Variants in DNPEP observed in about 807,000 individuals in gnomAD.
DNPEP encodes aspartyl aminopeptidase.
Under a neutral mutation model 59.1 loss-of-function variants are expected in DNPEP, and 46 were observed. The ratio of observed to expected loss-of-function variants is 0.78; its 90% CI spans 0.61 to 0.99. The LOEUF is 0.99. Ranked by LOEUF, DNPEP falls within the 50% of genes least tolerant of loss-of-function variation. The pLI, the probability that DNPEP is intolerant of heterozygous loss-of-function variation, is 0.00. For missense variants in DNPEP, 617 were observed against 649.9 expected (o/e 0.95, Z 0.55); for synonymous variants, 229 against 242.2 (o/e 0.95, Z 0.50).
intron 8 of DNPEP, chr2:219,384,682 C>G: frequency 2.6e-6 from 1 of 380,356 alleles, no homozygotes; most frequent in South Asian, 2.5e-5. Flanking sequence ...GATTCTCGTG[C>G]CTCAGCCTCC....
At chr2:219,381,823 T>C (rs564783014) in intron 11 of DNPEP, 156 bp downstream of exon 11, 1 of 946,178 alleles carries the variant, frequency 1.1e-6, no homozygotes, top group East Asian at 2.6e-5. Flanking sequence ...TTTGACCAAG[T>C]TGGTCTCGCA....
upstream of DNPEP, among the ~76,000 whole-genome samples, chr2:219,389,764 T>G (rs2125148986): frequency 6.7e-6 from 1 of 150,298 alleles, no homozygotes; most frequent in Non-Finnish European, 1.5e-5. Context: ...ACCCGGGAGG[T>G]GGAGGTTGCA....
In DNPEP at chr2:219,383,146, G is replaced by A. The variant is rs1466393728; in HGVS notation, c.921C>T (p.Leu307=). The change falls in exon 10 of 15, where the codon CTC becomes CTT. Residue 307 remains leucine, a synonymous_variant. Transcript: ENST00000273075. ...CTCCACGTACCTCTTCGTTGTCATA[G>A]AGTGTGACCATGCGCACGTGAGGCT... is the stretch of plus-strand genomic sequence containing the variant. ...ATEPHVRMVT[L]YDNEEVGSES... is the part of the protein sequence containing the mutation. 3 of 1,614,134 alleles carry A rather than the reference G, an allele frequency of 1.9e-6. No homozygotes were observed. Among genetic ancestry groups the A allele is most frequent in the African/African-American group, 1.3e-5 (1 of 75,062 alleles).
chr2:219,381,281 G>A (rs1953584741), intron 13 of DNPEP, 54 bp downstream of exon 13: 3 of 1,519,508 alleles, frequency 2.0e-6, no homozygotes, highest in Admixed American at 1.7e-5. Flanking sequence ...CCATCTGTTT[G>A]TGCCCCCACC....
chr2:219,377,205 C>T (rs972131961), intron 13 of DNPEP, among the ~76,000 whole-genome samples: 26 of 125,422 alleles, frequency 2.1e-4, no homozygotes, highest in African/African-American at 7.9e-4. Context: ...ACCAGGGAGG[C>T]GGAGGTTGCA....
chr2:219,388,206 C>T (rs988755846), upstream of DNPEP, among the ~76,000 whole-genome samples: 6 of 143,996 alleles, frequency 4.2e-5, no homozygotes, highest in African/African-American at 1.5e-4. Context: ...CCGCCTCTCG[C>T]CAGGCTGCAC....
Position 219,386,308 on chromosome 2 carries a change from A to T in DNPEP, c.437T>A (p.Leu146Gln). ...CACCTTGACAATGACGCGTCCAGCC[A>T]GAGTCAGGTCACGGTCAAACCAGGT... ...WSTWFDRDLT[L>Q]AGRVIVKCPT... Residue 146 changes from leucine (L) to glutamine (Q), a missense_variant, in exon 5 of 15, where the codon CTG becomes CAG. Coordinates refer to ENST00000273075, the MANE Select transcript of DNPEP (RefSeq NM_012100.4). 6.2e-7 allele frequency: 1 copy of T among 1,614,168 alleles called. No homozygotes were observed. The highest frequency in any genetic ancestry group is 8.5e-7 in the Non-Finnish European group (1 of 1,179,990).
intron 9 of DNPEP, among the ~76,000 whole-genome samples, chr2:219,384,015 G>A (rs966610833): frequency 6.6e-5 from 10 of 152,202 alleles, no homozygotes; most frequent in Admixed American, 4.6e-4. Flanking sequence ...AGCAGAAGGA[G>A]GTGGATGATA....
intron 1 of DNPEP, 29 bp downstream of exon 1, chr2:219,387,729 AT>A (rs748111280): frequency 2.3e-5 from 37 of 1,607,474 alleles, no homozygotes; most frequent in Non-Finnish European, 3.1e-5. Context: ...TGGGATCGAA[AT>A]TCAAGTGGGG....
chr2:219,381,483 A>T (rs778058519), intron 12 of DNPEP, 47 bp from the exon 13 acceptor site: 1 of 1,613,820 alleles, frequency 6.2e-7, no homozygotes, highest in South Asian at 1.1e-5. Flanking sequence ...GCCCAAAGGG[A>T]ATGAGTCGGC....
Position 219,382,126 on chromosome 2 carries a change from C to A in DNPEP, c.950G>T (p.Ser317Ile). 2 of 1,611,200 alleles carry A rather than the reference C, an allele frequency of 1.2e-6. No homozygotes were observed. Among genetic ancestry groups the A allele is most frequent in the Non-Finnish European group, 8.5e-7 (1 of 1,179,982 alleles). Reference protein sequence around the residue: ...LYDNEEVGSESAQGAQSLLTE... With the variant: ...LYDNEEVGSEIAQGAQSLLTE... ...CAGCAGTGACTGTGCTCCCTGTGCACTCTCAGACCCCACCTGGCGACAGTA... is the reference window on the plus strand; with the variant it reads ...CAGCAGTGACTGTGCTCCCTGTGCAATCTCAGACCCCACCTGGCGACAGTA... Residue 317 changes from serine to isoleucine, a missense_variant, in exon 11 of 15, where the codon AGT becomes ATT. Coordinates refer to ENST00000273075, the MANE Select transcript of DNPEP (RefSeq NM_012100.4).
chr2:219,392,916 G>A (rs190602237), upstream of DNPEP, among the ~76,000 whole-genome samples: 59 of 152,142 alleles, frequency 3.9e-4, no homozygotes, highest in East Asian at 3.7e-3. Context: ...TCACTCCCTC[G>A]CACACACCTT....
chr2:219,386,213 C>T (rs1297002602), intron 5 of DNPEP, 73 bp downstream of exon 5: 2 of 1,610,882 alleles, frequency 1.2e-6, no homozygotes, highest in African/African-American at 2.7e-5. Flanking sequence ...ACCCCTCTTC[C>T]CCACGGGTAC....
chr2:219,397,653 T>G (rs900496779), intron 1 of DNPEP, among the ~76,000 whole-genome samples: 1 of 152,202 alleles, frequency 6.6e-6, no homozygotes, highest in East Asian at 1.9e-4. Context: ...ATATCTGGGC[T>G]GGGGGTATGT....
chr2:219,382,928 G>A (rs1953659198), intron 10 of DNPEP, among the ~76,000 whole-genome samples: 1 of 152,214 alleles, frequency 6.6e-6, no homozygotes, highest in African/African-American at 2.4e-5. Flanking sequence ...GTGGCACAAA[G>A]AGAGATACAG....
intron 1 of DNPEP, chr2:219,399,861 G>A: frequency 6.4e-7 from 1 of 1,550,434 alleles, no homozygotes; most frequent in Non-Finnish European, 8.7e-7. Context: ...ACAGGCCCCG[G>A]TTACCTTGTG....
At chr2:219,384,232 C>T in intron 9 of DNPEP, 134 bp downstream of exon 9, 1 of 818,194 alleles carries the variant, frequency 1.2e-6, no homozygotes, top group African/African-American at 1.7e-5. Context: ...CTGGTCCATC[C>T]AGCACCAGCA....
chr2:219,388,044 G>C (rs2125146300), upstream of DNPEP: 5 of 799,432 alleles, frequency 6.3e-6, no homozygotes, highest in South Asian at 1.2e-4. Context: ...CCCTCGCTGG[G>C]CACCACCACC....
chr2:219,385,642 G>A lies in DNPEP; in HGVS notation c.655C>T (p.Leu219Phe). 6.2e-7 allele frequency: 1 copy of A among 1,612,964 alleles called. No individual in the cohort carries two copies. The highest frequency in any genetic ancestry group is 1.1e-5 in the South Asian group (1 of 90,706). ...GGAGACTCTCTTACCACAGCATTGA[G>A]AGGCCCTGGCTCAGGAGTCCCCTTC... ...LEKGTPEPGP[L>F]NAVDERHHSV... Residue 219 changes from leucine (L) to phenylalanine (F), a missense_variant, in exon 7 of 15, where the codon CTC becomes TTC. By Grantham distance (22) the Leu-to-Phe change is conservative (BLOSUM62 0). Transcript: ENST00000273075.
Sources: gnomAD v4.1 joint callset for allele counts (sites outside exome capture counted in the v4.1 genomes callset) on GRCh38, gnomAD v4.1.1 for gene constraint, MANE v1.5 for transcripts, NCBI Gene and HGNC (gene_info 2026-07-23, HGNC 2026-07-21) for gene names.